Variants in DCDC1 observed in about 807,000 individuals in gnomAD.
The protein encoded by DCDC1 is doublecortin domain-containing protein 1.
DCDC1 carries 200 observed loss-of-function variants against 178.3 expected under a neutral mutation model. The ratio of observed to expected loss-of-function variants is 1.12; its 90% CI spans 1.00 to 1.26. The LOEUF (loss-of-function observed/expected upper bound fraction) is 1.26. DCDC1 is among the 50% of genes most tolerant of loss of function. The probability of loss-of-function intolerance (pLI) is 0.00; values close to 1 mark genes in which losing one functional copy is unlikely to be tolerated. For missense variants in DCDC1, 1,983 were observed against 1,749.2 expected (o/e 1.13, Z -2.38); for synonymous variants, 690 against 604.8 (o/e 1.14, Z -2.07).
intron 9 of DCDC1, among the ~76,000 whole-genome samples, chr11:31,236,530 G>A (rs1976488077): frequency 6.6e-6 from 1 of 151,836 alleles, no homozygotes; most frequent in African/African-American, 2.4e-5. Flanking sequence ...AGACAAGAAT[G>A]CAATTTTCAC....
At chr11:31,189,912 C>T (rs1294881582) in intron 9 of DCDC1, among the ~76,000 whole-genome samples, 1 of 152,182 alleles carries the variant, frequency 6.6e-6, no homozygotes, top group Non-Finnish European at 1.5e-5. Context: ...AGAACATGAA[C>T]ATCTTTGAAG....
At chr11:31,144,902 C>T (rs1408989182) in intron 9 of DCDC1, among the ~76,000 whole-genome samples, 1 of 152,068 alleles carries the variant, frequency 6.6e-6, no homozygotes, top group Non-Finnish European at 1.5e-5. Context: ...TAGTTCCAGA[C>T]ATTCATTTCA....
At chr11:30,922,743 A>G in intron 23 of DCDC1, 105 bp from the exon 24 acceptor site, 1 of 1,099,560 alleles carries the variant, frequency 9.1e-7, no homozygotes, top group Non-Finnish European at 1.2e-6. Flanking sequence ...TCCTATTAAT[A>G]TAATAGGTGA....
At chr11:31,290,278 A>C (rs1947128978) in intron 7 of DCDC1, among the ~76,000 whole-genome samples, 1 of 152,040 alleles carries the variant, frequency 6.6e-6, no homozygotes, top group Admixed American at 6.6e-5. Flanking sequence ...TCTAAATGAA[A>C]AGAGGCAGAT....
intron 30 of DCDC1, 57 bp downstream of exon 30, chr11:30,906,483 T>C (rs1336934271): frequency 6.5e-7 from 1 of 1,532,748 alleles, no homozygotes; most frequent in Non-Finnish European, 8.8e-7. Flanking sequence ...AATGAATGCA[T>C]CAAAGTTTCC....
At chr11:31,119,772 C>G (rs572484407) in intron 11 of DCDC1, among the ~76,000 whole-genome samples, 1 of 152,224 alleles carries the variant, frequency 6.6e-6, no homozygotes, top group South Asian at 2.1e-4. Context: ...GTATTCAATG[C>G]ACAGGAAAGT....
chr11:31,295,407 C>T (rs1947618040), intron 6 of DCDC1, among the ~76,000 whole-genome samples: 1 of 152,134 alleles, frequency 6.6e-6, no homozygotes, highest in African/African-American at 2.4e-5. Context: ...CAGGCTAGTG[C>T]ACCCAAACTC....
Position 31,210,951 on chromosome 11 carries a change from A to G in DCDC1, c.1221+30499T>C, listed in dbSNP as rs78745944. The stretch of plus-strand genomic sequence containing the variant: ...CCATGAATGGATAAATATCTCTATT[A>G]CCCTGGAATCTATTCTTTTTCTATC... On this transcript the variant is annotated intron_variant, in intron 9 of 38. Coordinates refer to ENST00000684477, the MANE Select transcript of DCDC1 (RefSeq NM_001387274.1). 5.6e-3 allele frequency among the ~76,000 whole-genome samples: 855 copies of G among 152,250 alleles called. 10 individuals are homozygous for G. Among genetic ancestry groups the G allele is most frequent in the African/African-American group, 0.02 (811 of 41,542 alleles).
At position 30,864,636 on chromosome 11, in the gene DCDC1, AG is replaced by A. The variant is rs2133888429; in HGVS notation, c.*736del. On this transcript the variant is annotated 3_prime_UTR_variant, in exon 39 of 39. Transcript: ENST00000684477. Reference sequence around the variant, plus strand: ...TGGGGTGGGACTGATGAGTTTTATCAGTGAGCCCTTGTGGGTAGAGCTCTGT... The same window carrying A: ...TGGGGTGGGACTGATGAGTTTTATCATGAGCCCTTGTGGGTAGAGCTCTGT... 1 of 152,372 alleles carries A rather than the reference AG, an allele frequency of 6.6e-6. No individual in the cohort carries two copies. Among genetic ancestry groups the A allele is most frequent in the South Asian group, 2.1e-4 (1 of 4,832 alleles). 9.4% of individuals were successfully genotyped at this position (152,372 alleles called of 1,614,324 possible).
In DCDC1 at chr11:31,039,135, C is replaced by G. The variant is rs1421451037; in HGVS notation, c.2591+25334G>C. Among the ~76,000 whole-genome samples, 7 of 151,898 alleles carry G rather than the reference C, an allele frequency of 4.6e-5. No individual in the cohort carries two copies. The East Asian group carries it at 1.4e-3, about 29-fold the overall frequency. On this transcript the variant is annotated intron_variant, in intron 20 of 38. Coordinates refer to ENST00000684477, the MANE Select transcript of DCDC1 (RefSeq NM_001387274.1). ...TTATTTCCAAAATTATTATTTTACC[C>G]TCATTAAACCACCACTCTATGACAG... is the stretch of plus-strand genomic sequence containing the variant.
At chr11:31,173,498 C>G (rs1967528480) in intron 9 of DCDC1, among the ~76,000 whole-genome samples, 1 of 152,118 alleles carries the variant, frequency 6.6e-6, no homozygotes, top group African/African-American at 2.4e-5. Context: ...GCAATTTTAT[C>G]TCTGGATTGT....
At chr11:31,192,121 T>A (rs1970198913) in intron 9 of DCDC1, among the ~76,000 whole-genome samples, 1 of 151,974 alleles carries the variant, frequency 6.6e-6, no homozygotes, top group African/African-American at 2.4e-5. Flanking sequence ...ATCTCTCGAA[T>A]CTTTTCCTAT....
At chr11:30,910,389 T>G (rs891115490) in intron 28 of DCDC1, among the ~76,000 whole-genome samples, 2 of 152,208 alleles carry the variant, frequency 1.3e-5, no homozygotes, top group Non-Finnish European at 2.9e-5. Flanking sequence ...TTATATGTAC[T>G]CTATCTCCTA....
At position 31,355,292 on chromosome 11, in the gene DCDC1, A is replaced by G. The variant is rs1951280459; in HGVS notation, c.-125+14405T>C. Among the ~76,000 whole-genome samples, 2 of 152,274 alleles carry G rather than the reference A, an allele frequency of 1.3e-5. 1 individual carries two copies. Among genetic ancestry groups the G allele is most frequent in the Admixed American group, 1.3e-4 (2 of 15,296 alleles). On this transcript the variant is annotated intron_variant, in intron 1 of 38. Transcript: ENST00000684477. ...TCTCTGTCATGAGACCAGCTGGCTG[A>G]CTACATGAGAAGGCTGGGAACATGA...
chr11:30,883,080 T>C (rs1381671628), intron 36 of DCDC1: 1 of 152,646 alleles, frequency 6.6e-6, no homozygotes, highest in Non-Finnish European at 1.5e-5. Context: ...TCTAATTTTG[T>C]TCTGTGGAAA....
intron 10 of DCDC1, among the ~76,000 whole-genome samples, chr11:31,128,335 T>A (rs1961942661): frequency 6.6e-6 from 1 of 152,148 alleles, no homozygotes; most frequent in Non-Finnish European, 1.5e-5. Context: ...ATTTCTAGAC[T>A]TCTACTTGGT....
At chr11:31,035,879 C>T (rs1256902902) in intron 20 of DCDC1, among the ~76,000 whole-genome samples, 1 of 152,172 alleles carries the variant, frequency 6.6e-6, no homozygotes, top group East Asian at 1.9e-4. Context: ...TTCCTTCTCT[C>T]CTATTCATTT....
intron 1 of DCDC1, among the ~76,000 whole-genome samples, chr11:31,342,165 G>A (rs1283600529): frequency 6.6e-6 from 1 of 152,218 alleles, no homozygotes; most frequent in Non-Finnish European, 1.5e-5. Context: ...AAGGTTCACA[G>A]ATAATCTACA....
intron 13 of DCDC1, among the ~76,000 whole-genome samples, chr11:31,105,907 C>T (rs1958814491): frequency 6.6e-6 from 1 of 152,150 alleles, no homozygotes; most frequent in African/African-American, 2.4e-5. Context: ...ATCAGTTATA[C>T]TCTATATGAA....
Sources: gnomAD v4.1 joint callset for allele counts (sites outside exome capture counted in the v4.1 genomes callset) on GRCh38, gnomAD v4.1.1 for gene constraint, MANE v1.5 for transcripts, NCBI Gene and HGNC (gene_info 2026-07-23, HGNC 2026-07-21) for gene names.